CCAR1: variants seen among roughly 807,000 people sequenced by gnomAD.
The protein encoded by CCAR1 is cell division cycle and apoptosis regulator protein 1.
Under a neutral mutation model 163.8 loss-of-function variants are expected in CCAR1, and 78 were observed. The ratio of observed to expected loss-of-function variants is 0.48; its 90% CI spans 0.40 to 0.57. The LOEUF is 0.57. Among genes scored for constraint, CCAR1 ranks in the 20% least tolerant of loss-of-function variants. CCAR1 has a pLI of 0.00. For missense variants in CCAR1, 1,019 were observed against 1,365.2 expected, an observed-to-expected ratio of 0.75 and a Z score of 4.00; for synonymous variants, 443 against 460.7, an observed-to-expected ratio of 0.96 and a Z score of 0.49.
intron 11 of CCAR1, 37 bp downstream of exon 11, chr10:68,754,114 T>C: frequency 7.2e-7 from 1 of 1,380,328 alleles, no homozygotes; most frequent in Non-Finnish European, 1.0e-6. Flanking sequence ...TTAAATTTCT[T>C]AGCAGTTATT....
chr10:68,728,170 G>T (rs959969899), intron 2 of CCAR1, among the ~76,000 whole-genome samples: 2 of 152,024 alleles, frequency 1.3e-5, no homozygotes, highest in African/African-American at 4.8e-5. Context: ...GGTACCTTCA[G>T]TATATTTGAT....
intron 9 of CCAR1, 37 bp downstream of exon 9, chr10:68,749,302 G>T (rs1295493762): frequency 2.6e-6 from 4 of 1,565,882 alleles, no homozygotes; most frequent in Non-Finnish European, 3.5e-6. Flanking sequence ...TGGTGGCAAT[G>T]GTTGTACAAC....
chr10:68,767,069 T>C (rs2056545387), intron 17 of CCAR1, among the ~76,000 whole-genome samples: 1 of 152,134 alleles, frequency 6.6e-6, no homozygotes, highest in Non-Finnish European at 1.5e-5. Context: ...TCATAAGTAG[T>C]GTGGTATGTT....
intron 16 of CCAR1, among the ~76,000 whole-genome samples, chr10:68,762,895 C>G (rs1415881097): frequency 6.6e-6 from 1 of 151,984 alleles, no homozygotes; most frequent in Non-Finnish European, 1.5e-5. Flanking sequence ...TGAGACATAA[C>G]AACCAAATGA....
chr10:68,782,858 A>C (rs1184486403), intron 19 of CCAR1, among the ~76,000 whole-genome samples: 3 of 152,170 alleles, frequency 2.0e-5, no homozygotes, highest in Non-Finnish European at 4.4e-5. Flanking sequence ...TCAGAAAAAA[A>C]GATTCTTTTC....
chr10:68,762,929 C>T (rs368434287), intron 16 of CCAR1, among the ~76,000 whole-genome samples: 5 of 151,762 alleles, frequency 3.3e-5, no homozygotes, highest in African/African-American at 9.7e-5. Context: ...TGACTAGATC[C>T]TGGATAGGCA....
chr10:68,741,494 C>T (rs1469981590), intron 5 of CCAR1, among the ~76,000 whole-genome samples: 1 of 152,040 alleles, frequency 6.6e-6, no homozygotes, highest in African/African-American at 2.4e-5. Flanking sequence ...TTATAAACTA[C>T]GTAAAAAGAG....
rs542088933 is a variant in CCAR1 at position 68,771,393 on chromosome 10, G to A, written c.2486G>A (p.Arg829Gln). The A allele has an allele frequency of 6.9e-6, 11 of 1,591,134 alleles. No homozygotes were observed. The African/African-American group carries it at 9.5e-5, about 14-fold the overall frequency. The change falls in exon 18 of 25, where the codon CGG becomes CAG. Residue 829 changes from arginine (R) to glutamine (Q), a missense_variant. Coordinates refer to ENST00000265872, the MANE Select transcript of CCAR1 (RefSeq NM_018237.4). ...DDETDEPKPK[R>Q]RKSGDDKDKK... ...GAAACTGATGAACCAAAACCCAAAC[G>A]GAGAAAATCAGGCGATGATAAAGAT... is the stretch of plus-strand genomic sequence containing the variant.
In CCAR1 at chr10:68,757,310, A is replaced by G. The variant is rs1426041248; in HGVS notation, c.1853A>G (p.Asp618Gly). ...ADGEQDEEEK[D>G]DGEAKEISTP... ...GTATGTCAGGATGAAGAAGAGAAGG[A>G]TGATGGTGAAGCTAAAGAAATTTCT... The change falls in exon 15 of 25, where the codon GAT becomes GGT. Residue 618 changes from aspartate (D) to glycine (G), a missense_variant. Physicochemically the swap from Asp to Gly is moderately conservative, Grantham distance 94. This residue lies in a region of CCAR1 where 644 missense variants were observed against 904.4 expected (regional missense o/e 0.71). Coordinates refer to ENST00000265872, the MANE Select transcript of CCAR1 (RefSeq NM_018237.4). 1.9e-6 allele frequency: 3 copies of G among 1,563,152 alleles called. No homozygotes were observed. Among genetic ancestry groups the G allele is most frequent in the Non-Finnish European group, 2.6e-6 (3 of 1,134,556 alleles).
chr10:68,748,355 A>G (rs1016814429), intron 8 of CCAR1, among the ~76,000 whole-genome samples: 1 of 152,012 alleles, frequency 6.6e-6, no homozygotes, highest in Non-Finnish European at 1.5e-5. Context: ...AGCCCAGATC[A>G]CGCCATCGCA....
chr10:68,729,339 G>A (rs1178062474), intron 2 of CCAR1, among the ~76,000 whole-genome samples: 4 of 148,812 alleles, frequency 2.7e-5, no homozygotes, highest in Non-Finnish European at 5.9e-5. Context: ...GCGCTATCTC[G>A]GCTCACTGCA....
chr10:68,784,506 T>C (rs563911601), intron 19 of CCAR1, among the ~76,000 whole-genome samples: 21 of 152,144 alleles, frequency 1.4e-4, no homozygotes, highest in African/African-American at 4.6e-4. Flanking sequence ...ACCCACCATG[T>C]TCGGCGATTG....
At chr10:68,753,532 C>T (rs1311378301) in intron 10 of CCAR1, among the ~76,000 whole-genome samples, 1 of 152,194 alleles carries the variant, frequency 6.6e-6, no homozygotes, top group African/African-American at 2.4e-5. Flanking sequence ...AAGTAATCCA[C>T]AGTTCCAACT....
chr10:68,760,954 C>T (rs1589174593), intron 15 of CCAR1, 53 bp from the exon 16 acceptor site: 2 of 633,832 alleles, frequency 3.2e-6, no homozygotes, highest in South Asian at 5.5e-5. Flanking sequence ...TCCGCTGCCC[C>T]CCGCCCCCCG....
chr10:68,780,286 C>T (rs1388379626), intron 19 of CCAR1, among the ~76,000 whole-genome samples: 5 of 152,132 alleles, frequency 3.3e-5, no homozygotes, highest in Non-Finnish European at 7.4e-5. Context: ...GCATTGAACT[C>T]CTGGCTCATG....
In CCAR1 at chr10:68,786,742, C is replaced by CT. The variant is rs536551751; in HGVS notation, c.2880+53dup. ...AAGGAAAACATTTTTTAAAAGTTAC[C>CT]TTTCCAGTGAAAAGTTAATAGAACC... On this transcript the variant is annotated intron_variant, in intron 21 of 24. Transcript: ENST00000265872. 39 of 1,481,516 alleles carry CT rather than the reference C, an allele frequency of 2.6e-5. No individual in the cohort carries two copies. The African/African-American group carries it at 4.7e-4, about 18-fold the overall frequency. The allele number at this position is 1,481,516 out of a possible 1,614,324, so 91.8% of individuals were successfully genotyped here.
chr10:68,783,504 G>A (rs2056761122), intron 19 of CCAR1, among the ~76,000 whole-genome samples: 1 of 152,008 alleles, frequency 6.6e-6, no homozygotes, highest in Non-Finnish European at 1.5e-5. Flanking sequence ...TCTAGGATCT[G>A]GTCCAGCCCT....
chr10:68,721,582 G>A (rs989051903), intron 1 of CCAR1: 21 of 449,952 alleles, frequency 4.7e-5, no homozygotes, highest in African/African-American at 3.9e-4. Context: ...GAGCCGCTGC[G>A]GTTTTACCCT....
chr10:68,778,875 G>A (rs929463266), intron 19 of CCAR1, among the ~76,000 whole-genome samples: 1 of 151,912 alleles, frequency 6.6e-6, no homozygotes, highest in East Asian at 1.9e-4. Flanking sequence ...TTTTTGAGAC[G>A]GAGTCTCGCT....
Sources: gnomAD v4.1 joint callset for allele counts (sites outside exome capture counted in the v4.1 genomes callset) on GRCh38, gnomAD v4.1.1 for gene constraint, gnomAD v4.1.1 regional missense constraint, MANE v1.5 for transcripts, NCBI Gene and HGNC (gene_info 2026-07-23, HGNC 2026-07-21) for gene names.